Variants in MYL6 observed in about 807,000 individuals in gnomAD.
MYL6 encodes myosin light polypeptide 6.
In MYL6, 20 loss-of-function variants were observed where a neutral mutation model predicts 20.3. The observed-to-expected ratio is 0.98, with a 90% CI of 0.69 to 1.43. The LOEUF is 1.43. Ranked by LOEUF, MYL6 falls within the 40% of genes most tolerant of loss-of-function variation. The pLI is 0.00. For missense variants in MYL6, 164 were observed against 191.0 expected (o/e 0.86, Z 0.83); for synonymous variants, 77 against 72.4 (o/e 1.06, Z -0.32).
chr12:56,159,378 C>A, intron 2 of MYL6: 1 of 586,306 alleles, frequency 1.7e-6, no homozygotes, highest in Non-Finnish European at 2.8e-6. Flanking sequence ...ATGGATGTTA[C>A]CAGGCTGCCA....
At position 56,159,686 on chromosome 12, in the gene MYL6, C is replaced by G; in HGVS notation, c.131C>G (p.Thr44Ser). ...ATGAGGGCCCTGGGCCAGAACCCTACCAACGCCGAGGTGCTCAAGGTCCTG... is the reference window on the plus strand; with the variant it reads ...ATGAGGGCCCTGGGCCAGAACCCTAGCAACGCCGAGGTGCTCAAGGTCCTG... ...DVMRALGQNPTNAEVLKVLGN... is the reference protein window; with the variant it reads ...DVMRALGQNPSNAEVLKVLGN... The change falls in exon 3 of 7, where the codon ACC becomes AGC. Residue 44 changes from threonine to serine, a missense_variant. Coordinates refer to ENST00000550697, the MANE Select transcript of MYL6 (RefSeq NM_021019.5). 6.2e-7 allele frequency: 1 copy of G among 1,614,152 alleles called. No individual in the cohort carries two copies. Among genetic ancestry groups the G allele is most frequent in the Non-Finnish European group, 8.5e-7 (1 of 1,180,016 alleles).
intron 2 of MYL6, 124 bp from the exon 3 acceptor site, chr12:56,159,463 G>C: frequency 7.8e-7 from 1 of 1,286,864 alleles, no homozygotes; most frequent in Non-Finnish European, 1.1e-6. Context: ...GTAGACTTTG[G>C]TGTACAGTTT....
chr12:56,159,970 G>A lies in MYL6; in HGVS notation c.176-5G>A. 6.2e-7 allele frequency: 1 copy of A among 1,609,682 alleles called. No homozygotes were observed. Among genetic ancestry groups the A allele is most frequent in the Middle Eastern group, 1.8e-4 (1 of 5,578 alleles). ...GGCCTGACACTTCCACCTCCTTTAT[G>A]GCAGAGATGAATGTGAAGGTGCTGG... On this transcript the variant is annotated splice_region_variant and splice_polypyrimidine_tract_variant and intron_variant, in intron 3 of 6. Transcript: ENST00000550697.
rs1565883350 is a variant in MYL6 at position 56,159,571 on chromosome 12, T to C, written c.32-16T>C. 10 of 1,611,394 alleles carry C rather than the reference T, an allele frequency of 6.2e-6. No homozygotes were observed. Among genetic ancestry groups the C allele is most frequent in the Non-Finnish European group, 8.5e-6 (10 of 1,178,998 alleles). ...TAACCCTCAAATCCTGTGTTGACATTCATCTGAATCCTCAGAGTTCAAGGA... is the reference window on the plus strand; with the variant it reads ...TAACCCTCAAATCCTGTGTTGACATCCATCTGAATCCTCAGAGTTCAAGGA... On this transcript the variant is annotated splice_polypyrimidine_tract_variant and intron_variant, in intron 2 of 6. Coordinates refer to ENST00000550697, the MANE Select transcript of MYL6 (RefSeq NM_021019.5).
chr12:56,158,462 G>A, intron 1 of MYL6, 58 bp downstream of exon 1: 6 of 1,562,654 alleles, frequency 3.8e-6, no homozygotes, highest in Admixed American at 1.8e-5. Flanking sequence ...GGAAGAGACG[G>A]GTGGGGGGCG....
At chr12:56,158,518 AG>A in intron 1 of MYL6, 114 bp downstream of exon 1, 2 of 1,603,936 alleles carry the variant, frequency 1.2e-6, no homozygotes, top group Non-Finnish European at 8.5e-7. Context: ...AGGACCCGAA[AG>A]GTTGGAGGTG....
intron 3 of MYL6, 41 bp downstream of exon 3, chr12:56,159,771 C>G (rs775329936): frequency 8.2e-6 from 13 of 1,592,176 alleles, no homozygotes; most frequent in Non-Finnish European, 9.4e-6. Flanking sequence ...TGGTCATGGG[C>G]CCACAGTTCT....
At position 56,159,561 on chromosome 12, in the gene MYL6, G is replaced by A. The variant is rs750220958; in HGVS notation, c.32-26G>A. ...GGGTTTGGATTAACCCTCAAATCCT[G>A]TGTTGACATTCATCTGAATCCTCAG... On this transcript the variant is annotated intron_variant, in intron 2 of 6. Transcript: ENST00000550697. 1.1e-5 allele frequency: 18 copies of A among 1,610,122 alleles called. No individual in the cohort carries two copies. In the East Asian group the frequency reaches 3.8e-4, roughly 34 times the overall value.
Position 56,159,570 on chromosome 12 carries a change from T to C in MYL6, c.32-17T>C. The C allele has an allele frequency of 6.2e-7, 1 of 1,611,366 alleles. No individual in the cohort carries two copies. Among genetic ancestry groups the C allele is most frequent in the Non-Finnish European group, 8.5e-7 (1 of 1,179,010 alleles). The stretch of plus-strand genomic sequence containing the variant: ...TTAACCCTCAAATCCTGTGTTGACA[T>C]TCATCTGAATCCTCAGAGTTCAAGG... On this transcript the variant is annotated splice_polypyrimidine_tract_variant and intron_variant, in intron 2 of 6. Transcript: ENST00000550697.
intron 6 of MYL6, chr12:56,160,959 CCTT>C (rs1445619309): frequency 1.1e-5 from 6 of 570,892 alleles, no homozygotes; most frequent in African/African-American, 3.8e-5. Flanking sequence ...TTTAGGGTGA[CCTT>C]CTGGCCCTGG....
At position 56,161,465 on chromosome 12, in the gene MYL6, G is replaced by T. The variant is rs767193554; in HGVS notation, c.*95G>T. 1.2e-6 allele frequency: 2 copies of T among 1,604,122 alleles called. No individual in the cohort carries two copies. Among genetic ancestry groups the T allele is most frequent in the Non-Finnish European group, 1.7e-6 (2 of 1,171,008 alleles). On this transcript the variant is annotated 3_prime_UTR_variant, in exon 7 of 7. Coordinates refer to ENST00000550697, the MANE Select transcript of MYL6 (RefSeq NM_021019.5). ...CCGTGCCTTTCCCTGTGTGAATTTTGTATCTAGCCTAAAGTTTCCCTAGGC... is the reference window on the plus strand; with the variant it reads ...CCGTGCCTTTCCCTGTGTGAATTTTTTATCTAGCCTAAAGTTTCCCTAGGC...
Position 56,158,680 on chromosome 12 carries a change from G to C in MYL6, c.4-4G>C. 6.2e-7 allele frequency: 1 copy of C among 1,614,108 alleles called. No individual in the cohort carries two copies. The highest frequency in any genetic ancestry group is 1.6e-4 in the Middle Eastern group (1 of 6,062). On this transcript the variant is annotated splice_polypyrimidine_tract_variant and splice_region_variant and intron_variant, in intron 1 of 6. Coordinates refer to ENST00000550697, the MANE Select transcript of MYL6 (RefSeq NM_021019.5). ...TGCTGACCACTTCCCTCTTCTCTGA[G>C]CAGTGTGACTTCACCGAAGACCAGA... is the stretch of plus-strand genomic sequence containing the variant.
At position 56,160,132 on chromosome 12, in the gene MYL6, T is replaced by C. The variant is rs1040768594; in HGVS notation, c.333T>C (p.His111=). The stretch of plus-strand genomic sequence containing the variant: ...CCGTCATGGGTGCTGAAATCCGGCA[T>C]GTTCTTGTCACACTGGGTAAGGTTC... ...NGTVMGAEIR[H]VLVTLGEKMT... is the part of the protein sequence containing the mutation. The change falls in exon 4 of 7, where the codon CAT becomes CAC. Residue 111 remains histidine, a synonymous_variant. Transcript: ENST00000550697. 4.3e-6 allele frequency: 7 copies of C among 1,614,128 alleles called. No homozygotes were observed. The highest frequency in any genetic ancestry group is 1.3e-5 in the African/African-American group (1 of 75,060).
chr12:56,160,526 G>A lies in MYL6; in HGVS notation c.428-100G>A. The A allele has an allele frequency of 2.1e-6, 3 of 1,445,664 alleles. No individual in the cohort carries two copies. The South Asian group carries it at 3.4e-5, about 16-fold the overall frequency. The allele number at this position is 1,445,664 out of a possible 1,614,324, so 89.6% of individuals were successfully genotyped here. A position where few individuals can be genotyped will look rare whatever the true frequency, so the allele number is the denominator to read the frequency against. On this transcript the variant is annotated intron_variant, in intron 5 of 6. Transcript: ENST00000550697. The stretch of plus-strand genomic sequence containing the variant: ...GGGTAGTATTGTAGAGGGTGGGAAG[G>A]AATGAGAAGTGAAATAATGGAATGT...
intron 2 of MYL6, 184 bp downstream of exon 2, chr12:56,158,895 A>T (rs1299153942): frequency 7.0e-7 from 1 of 1,434,426 alleles, no homozygotes; most frequent in Admixed American, 2.9e-5. Context: ...CTCCCCTTCC[A>T]CTCTAGATCT....
chr12:56,160,267 T>G lies in MYL6; in HGVS notation c.374T>G (p.Val125Gly), dbSNP rs1871661532. 1 of 1,614,000 alleles carries G rather than the reference T, an allele frequency of 6.2e-7. No individual in the cohort carries two copies. The highest frequency in any genetic ancestry group is 1.3e-5 in the African/African-American group (1 of 74,896). ...GGTGAGAAGATGACAGAGGAAGAAG[T>G]AGAGATGCTGGTGGCAGGGCATGAG... ...TLGEKMTEEEVEMLVAGHEDS... is the reference protein window; with the variant it reads ...TLGEKMTEEEGEMLVAGHEDS... Residue 125 changes from valine to glycine, a missense_variant, in exon 5 of 7, where the codon GTA becomes GGA. Val to Gly is a moderately radical substitution (Grantham distance 109). Coordinates refer to ENST00000550697, the MANE Select transcript of MYL6 (RefSeq NM_021019.5).
rs1871658863 is a variant in MYL6 at position 56,160,237 on chromosome 12, C to T, written c.350-6C>T. On this transcript the variant is annotated splice_region_variant and splice_polypyrimidine_tract_variant and intron_variant, in intron 4 of 6. Coordinates refer to ENST00000550697, the MANE Select transcript of MYL6 (RefSeq NM_021019.5). ...AATTCCAAAAATGCTTTCTTTCCCC[C>T]TGCAGGTGAGAAGATGACAGAGGAA... 3 of 1,614,006 alleles carry T rather than the reference C, an allele frequency of 1.9e-6. No individual in the cohort carries two copies. Among genetic ancestry groups the T allele is most frequent in the South Asian group, 1.1e-5 (1 of 91,086 alleles).
At chr12:56,160,554 G>T in intron 5 of MYL6, 72 bp from the exon 6 acceptor site, 1 of 1,522,182 alleles carries the variant, frequency 6.6e-7, no homozygotes, top group East Asian at 2.3e-5. Context: ...TGGAATGTCT[G>T]TCCCCACTGC....
chr12:56,160,336 C>A lies in MYL6; in HGVS notation c.427+16C>A. The A allele has an allele frequency of 1.2e-6, 2 of 1,613,920 alleles. No homozygotes were observed. Among genetic ancestry groups the A allele is most frequent in the Non-Finnish European group, 1.7e-6 (2 of 1,179,906 alleles). ...AACTATGAAGGTAAGAGGTGAACTG[C>A]GCTTTCTCAGAGAAAGCAGCCATAT... On this transcript the variant is annotated intron_variant, in intron 5 of 6. Transcript: ENST00000550697.
Sources: gnomAD v4.1 joint callset for allele counts on GRCh38, gnomAD v4.1.1 for gene constraint, MANE v1.5 for transcripts, NCBI Gene and HGNC (gene_info 2026-07-23, HGNC 2026-07-21) for gene names.